Variants in CNTN3 observed in about 807,000 individuals in gnomAD.
The protein encoded by CNTN3 is contactin-3.
In CNTN3, 60 loss-of-function variants were observed where a neutral mutation model predicts 119.1. The observed-to-expected ratio is 0.50, with a 90% CI of 0.41 to 0.62. CNTN3 has a LOEUF of 0.62. Ranked by LOEUF, CNTN3 falls within the 20% of genes least tolerant of loss-of-function variation. CNTN3 has a pLI of 0.00. For missense variants in CNTN3, 1,101 were observed against 1,242.4 expected (o/e 0.89, Z 1.71); for synonymous variants, 450 against 438.7 (o/e 1.03, Z -0.32).
At chr3:74,610,438 T>A (rs1046179140) in intron 1 of CNTN3, among the ~76,000 whole-genome samples, 1 of 151,878 alleles carries the variant, frequency 6.6e-6, no homozygotes, top group African/African-American at 2.4e-5. Flanking sequence ...AACAGAATGA[T>A]CCCTAACATA....
chr3:74,425,678 C>T (rs1701685068), intron 4 of CNTN3, among the ~76,000 whole-genome samples: 1 of 152,184 alleles, frequency 6.6e-6, no homozygotes, highest in Non-Finnish European at 1.5e-5. Flanking sequence ...CTTTTAGCTT[C>T]AACTTGTAAT....
intron 13 of CNTN3, among the ~76,000 whole-genome samples, chr3:74,312,250 G>A (rs113030764): frequency 4.5e-4 from 68 of 151,730 alleles, no homozygotes; most frequent in African/African-American, 1.5e-3. Context: ...TCAGGAGATC[G>A]AGACCATCCT....
intron 1 of CNTN3, among the ~76,000 whole-genome samples, chr3:74,612,953 C>T (rs1705107230): frequency 1.3e-5 from 2 of 152,164 alleles, no homozygotes; most frequent in Admixed American, 1.3e-4. Context: ...TATTAACCTG[C>T]AGTCAACTTT....
At chr3:74,331,190 G>T (rs888116215) in intron 13 of CNTN3, among the ~76,000 whole-genome samples, 1 of 152,286 alleles carries the variant, frequency 6.6e-6, no homozygotes, top group East Asian at 1.9e-4. Flanking sequence ...TCCATTCACA[G>T]TAAGTGCCCT....
chr3:74,582,783 T>TTGTGTGTGTGTGTGTGTGTG (rs60306845), intron 1 of CNTN3, among the ~76,000 whole-genome samples: 7 of 145,092 alleles, frequency 4.8e-5, no homozygotes, highest in Middle Eastern at 7.1e-3. Context: ...GTGTATGCAT[T>TTGTGTGTGTGTGTGTGTGTG]TGTGTGTGTG....
At chr3:74,380,644 CT>C (rs1174344627) in intron 5 of CNTN3, among the ~76,000 whole-genome samples, 1 of 152,218 alleles carries the variant, frequency 6.6e-6, no homozygotes, top group African/African-American at 2.4e-5. Context: ...AAACGTAGTG[CT>C]TCTGGTTTAT....
At chr3:74,285,090 A>C (rs1309313582) in intron 20 of CNTN3, among the ~76,000 whole-genome samples, 1 of 152,140 alleles carries the variant, frequency 6.6e-6, no homozygotes, top group Non-Finnish European at 1.5e-5. Flanking sequence ...TTTTTTCAGA[A>C]GGTGCACGTT....
At chr3:74,427,185 C>T (rs558412703) in intron 4 of CNTN3, among the ~76,000 whole-genome samples, 46 of 152,260 alleles carry the variant, frequency 3.0e-4, no homozygotes, top group Admixed American at 1.3e-3. Flanking sequence ...GGTTCATGGA[C>T]GTAGCATCAG....
rs1264112763 is a variant in CNTN3, at chr3:74,336,528, T to C, written c.1492+3A>G. On this transcript the variant is annotated splice_donor_region_variant and intron_variant, in intron 12 of 22. Coordinates refer to ENST00000263665, the MANE Select transcript of CNTN3 (RefSeq NM_020872.3). ...TAAAGCAATATTTTAGAAATGGACC[T>C]ACCCGTAACAACCAAATGTGTTGTG... The C allele has an allele frequency of 5.0e-6, 8 of 1,611,170 alleles. No individual in the cohort carries two copies. Among genetic ancestry groups the C allele is most frequent in the Middle Eastern group, 1.6e-4 (1 of 6,070 alleles).
chr3:74,577,321 G>T (rs1704433481), intron 1 of CNTN3, among the ~76,000 whole-genome samples: 1 of 152,100 alleles, frequency 6.6e-6, no homozygotes, highest in East Asian at 1.9e-4. Context: ...TTGGAAGTAT[G>T]ATTTCTAACT....
intron 2 of CNTN3, among the ~76,000 whole-genome samples, chr3:74,519,965 A>C (rs1703515160): frequency 6.6e-6 from 1 of 151,644 alleles, no homozygotes; most frequent in South Asian, 2.1e-4. Context: ...GCATGTTTGA[A>C]CTTTGACATA....
At chr3:74,516,825 T>TG (rs1703458699) in intron 2 of CNTN3, among the ~76,000 whole-genome samples, 1 of 143,808 alleles carries the variant, frequency 7.0e-6, no homozygotes, top group Admixed American at 6.8e-5. Flanking sequence ...TAAAACAATA[T>TG]CCAAGGAAGT....
chr3:74,359,433 T>G (rs1025619497), intron 11 of CNTN3, among the ~76,000 whole-genome samples: 2 of 152,198 alleles, frequency 1.3e-5, no homozygotes, highest in Non-Finnish European at 2.9e-5. Flanking sequence ...GCTGATCTAA[T>G]GACACTAAAT....
intron 1 of CNTN3, among the ~76,000 whole-genome samples, chr3:74,532,830 T>C (rs1703712770): frequency 1.3e-5 from 2 of 152,058 alleles, no homozygotes; most frequent in South Asian, 4.1e-4. Context: ...GGGACTACTG[T>C]ATTCATAAAG....
intron 1 of CNTN3, among the ~76,000 whole-genome samples, chr3:74,541,953 A>T (rs149221098): frequency 6.6e-6 from 1 of 152,244 alleles, no homozygotes; most frequent in East Asian, 1.9e-4. Flanking sequence ...TGTAGTATGG[A>T]CTGGGTGCAG....
At chr3:74,450,432 T>A (rs543115829) in intron 4 of CNTN3, among the ~76,000 whole-genome samples, 1 of 151,918 alleles carries the variant, frequency 6.6e-6, no homozygotes, top group East Asian at 1.9e-4. Flanking sequence ...TCTGCAGTGC[T>A]ATTTACAAAA....
At chr3:74,505,384 A>T (rs1195636995) in intron 2 of CNTN3, among the ~76,000 whole-genome samples, 2 of 151,992 alleles carry the variant, frequency 1.3e-5, no homozygotes, top group Non-Finnish European at 2.9e-5. Flanking sequence ...GGAAATTTTC[A>T]TATGAGGAAA....
At chr3:74,587,499 T>C (rs1342350779) in intron 1 of CNTN3, among the ~76,000 whole-genome samples, 2 of 152,056 alleles carry the variant, frequency 1.3e-5, no homozygotes, top group African/African-American at 4.8e-5. Flanking sequence ...GTAACTACAA[T>C]GGGCAGATTC....
chr3:74,521,104 A>T lies in CNTN3; in HGVS notation c.9T>A (p.Phe3Leu), dbSNP rs766474806. MM[F>L]PWKQLILLSF... ...AAAGCAGGATCAACTGTTTCCATGG[A>T]AACATCATCTTTAATTGCCAAATGC... The change falls in exon 2 of 23, where the codon TTT (phenylalanine) becomes TTA (leucine). Residue 3 changes from phenylalanine (F) to leucine (L), a missense_variant. Coordinates refer to ENST00000263665, the MANE Select transcript of CNTN3 (RefSeq NM_020872.3). 6.3e-6 allele frequency: 10 copies of T among 1,598,312 alleles called. No homozygotes were observed. The highest frequency in any genetic ancestry group is 8.5e-6 in the Non-Finnish European group (10 of 1,170,922).
Sources: gnomAD v4.1 joint callset for allele counts (sites outside exome capture counted in the v4.1 genomes callset) on GRCh38, gnomAD v4.1.1 for gene constraint, MANE v1.5 for transcripts, NCBI Gene and HGNC (gene_info 2026-07-23, HGNC 2026-07-21) for gene names.